The following ITPR3 variants were observed in gnomAD, a reference collection of about 807,000 sequenced individuals.
ITPR3 encodes inositol 1,4,5-trisphosphate receptor type 3.
Under a neutral mutation model 293.2 loss-of-function variants are expected in ITPR3, and 173 were observed. The ratio of observed to expected loss-of-function variants is 0.59; its 90% confidence interval spans 0.52 to 0.67. The LOEUF (loss-of-function observed/expected upper bound fraction) is 0.67, where lower values mean the gene tolerates loss of function less well. Ranked by LOEUF, ITPR3 falls within the 30% of genes least tolerant of loss-of-function variation. ITPR3 has a pLI of 0.00. For missense variants in ITPR3, 2,796 were observed against 3,592.1 expected (o/e 0.78, Z 5.66); for synonymous variants, 1,295 against 1,444.4 (o/e 0.90, Z 2.35).
chr6:33,646,372 C>A (rs1321827111), intron 2 of ITPR3, among the ~76,000 whole-genome samples: 4 of 107,530 alleles, frequency 3.7e-5, no homozygotes, highest in Non-Finnish European at 7.1e-5. Flanking sequence ...TCCCACCCCC[C>A]ACCCCCTCCA....
chr6:33,685,063 G>A, intron 39 of ITPR3, 120 bp downstream of exon 39: 2 of 1,180,420 alleles, frequency 1.7e-6, no homozygotes, highest in African/African-American at 1.5e-5. Flanking sequence ...GGCCTGAGCA[G>A]TGGCTGAGAG....
chr6:33,668,660 C>G (rs1212179849), intron 17 of ITPR3, 26 bp downstream of exon 17: 1 of 1,613,866 alleles, frequency 6.2e-7, no homozygotes, highest in African/African-American at 1.3e-5. Flanking sequence ...CCTGCCCGCA[C>G]TTGGGCTCCA....
Position 33,621,551 on chromosome 6 carries a change from G to A in ITPR3, c.-52G>A. ...GCCTCAGTCCTCCGCACTGAGCTTGGCCACGCGCCCCTAGGCGCCCCCCAC... is the reference window on the plus strand; with the variant it reads ...GCCTCAGTCCTCCGCACTGAGCTTGACCACGCGCCCCTAGGCGCCCCCCAC... On this transcript the variant is annotated 5_prime_UTR_variant, in exon 1 of 58. Transcript: ENST00000605930. The surrounding 1 kb of genome is among the most constrained non-coding windows in gnomAD (Gnocchi z 7.7). 7.1e-7 allele frequency: 1 copy of A among 1,411,800 alleles called. No homozygotes were observed. The highest frequency in any genetic ancestry group is 9.8e-7 in the Non-Finnish European group (1 of 1,018,504). 87.5% of individuals were successfully genotyped at this position (1,411,800 alleles called of 1,614,324 possible). A position where few individuals can be genotyped will look rare whatever the true frequency, so the allele number is the denominator to read the frequency against.
intron 48 of ITPR3, 53 bp from the exon 49 acceptor site, chr6:33,688,603 C>T: frequency 1.2e-6 from 2 of 1,608,380 alleles, no homozygotes; most frequent in Non-Finnish European, 1.7e-6. Flanking sequence ...ATGCAAGGGG[C>T]AGGGGGTGCT....
Position 33,667,439 on chromosome 6 carries a change from G to GCCTT in ITPR3, c.1713+149_1713+150insCCTT. ...CAGCAGGGCCGGGTTCATGGGAATG[G>GCCTT]GACCTGGCCCGGTGCTCACAAGGGC... On this transcript the variant is annotated intron_variant, in intron 15 of 57. Transcript: ENST00000605930. The surrounding 1 kb of genome is among the most constrained non-coding windows in gnomAD (Gnocchi z 4.4). The GCCTT allele has an allele frequency of 4.6e-6, 5 of 1,079,778 alleles. No individual in the cohort carries two copies. Among genetic ancestry groups the GCCTT allele is most frequent in the Non-Finnish European group, 6.5e-6 (5 of 771,748 alleles). The allele number at this position is 1,079,778 out of a possible 1,614,324, so 66.9% of individuals were successfully genotyped here. A position where few individuals can be genotyped will look rare whatever the true frequency, so the allele number is the denominator to read the frequency against.
Position 33,683,621 on chromosome 6 carries a change from C to A in ITPR3, c.4788+224C>A, listed in dbSNP as rs1242337514. ...AGAGGAAGCCTGGAGAACCCAGAGG[C>A]CTGCTAGTGGGGTTGGAGCTCATGA... On this transcript the variant is annotated intron_variant, in intron 35 of 57. Transcript: ENST00000605930. This position sits in a 1 kb window ranked among gnomAD's most constrained non-coding sequence, Gnocchi z 4.5. 1.3e-5 allele frequency among the ~76,000 whole-genome samples: 2 copies of A among 152,150 alleles called. No individual in the cohort carries two copies. Among genetic ancestry groups the A allele is most frequent in the Non-Finnish European group, 2.9e-5 (2 of 68,018 alleles).
Position 33,690,051 on chromosome 6 carries a change from G to C in ITPR3, c.6885G>C (p.Val2295=). 1 of 1,614,222 alleles carries C rather than the reference G, an allele frequency of 6.2e-7. No individual in the cohort carries two copies. The highest frequency in any genetic ancestry group is 8.5e-7 in the Non-Finnish European group (1 of 1,180,050). ...GCCCCCAGCTGACCAACAAGATCGT[G>C]TTTGTGGTGAGCTTCGTGGGCAACC... The part of the protein sequence containing the change: ...LGALNLTNKI[V]FVVSFVGNRG... The change falls in exon 51 of 58, where the codon GTG becomes GTC. Residue 2295 remains valine (V), a synonymous_variant. Coordinates refer to ENST00000605930, the MANE Select transcript of ITPR3 (RefSeq NM_002224.4).
intron 7 of ITPR3, among the ~76,000 whole-genome samples, chr6:33,660,968 A>G (rs1043870266): frequency 6.7e-5 from 10 of 150,322 alleles, no homozygotes; most frequent in African/African-American, 2.0e-4. Context: ...ACAAATAAAT[A>G]AAATGAAGCA....
rs1296738920 is a variant in ITPR3, at chr6:33,683,182, C to T, written c.4598-25C>T. On this transcript the variant is annotated intron_variant, in intron 34 of 57. Coordinates refer to ENST00000605930, the MANE Select transcript of ITPR3 (RefSeq NM_002224.4). This position sits in a 1 kb window ranked among gnomAD's most constrained non-coding sequence, Gnocchi z 4.5. ...CTGAACTGCCCCCGCACCAGCACTC[C>T]AGCACTCCCTCCCTTCCCACCCAGC... 6 of 1,484,868 alleles carry T rather than the reference C, an allele frequency of 4.0e-6. No individual in the cohort carries two copies. Among genetic ancestry groups the T allele is most frequent in the African/African-American group, 1.4e-5 (1 of 71,710 alleles). 92.0% of individuals were successfully genotyped at this position (1,484,868 alleles called of 1,614,324 possible). A position where few individuals can be genotyped will look rare whatever the true frequency, so the allele number is the denominator to read the frequency against.
At chr6:33,646,134 C>A (rs1364496121) in intron 2 of ITPR3, among the ~76,000 whole-genome samples, 3 of 152,136 alleles carry the variant, frequency 2.0e-5, no homozygotes, top group Admixed American at 2.0e-4. Flanking sequence ...CCACACCTGG[C>A]CGAAAATGTA....
Position 33,692,997 on chromosome 6 carries a change from C to A in ITPR3, c.7624+104C>A. ...CCCTTCCTGCCCTGGGGAACCCTGGCCCGGAGCTGATGACTTGATGCATTT... is the reference window on the plus strand; with the variant it reads ...CCCTTCCTGCCCTGGGGAACCCTGGACCGGAGCTGATGACTTGATGCATTT... On this transcript the variant is annotated intron_variant, in intron 55 of 57. Transcript: ENST00000605930. The surrounding 1 kb of genome is among the most constrained non-coding windows in gnomAD (Gnocchi z 4.2). The A allele has an allele frequency of 8.4e-7, 1 of 1,185,620 alleles. No homozygotes were observed. The highest frequency in any genetic ancestry group is 1.2e-6 in the Non-Finnish European group (1 of 835,668). 73.4% of individuals were successfully genotyped at this position (1,185,620 alleles called of 1,614,324 possible). A position where few individuals can be genotyped will look rare whatever the true frequency, so the allele number is the denominator to read the frequency against.
In ITPR3 at chr6:33,675,634, C is replaced by T. The variant is rs1424230275; in HGVS notation, c.3117-57C>T. ...TTGTGCCAGGGCCCCTTACCCACCA[C>T]GGACAGCAGGGAGTGTGCCAGTCTC... On this transcript the variant is annotated intron_variant, in intron 24 of 57. Coordinates refer to ENST00000605930, the MANE Select transcript of ITPR3 (RefSeq NM_002224.4). The surrounding 1 kb of genome is among the most constrained non-coding windows in gnomAD (Gnocchi z 5.0). 7.9e-6 allele frequency: 12 copies of T among 1,519,286 alleles called. No individual in the cohort carries two copies. In the East Asian group the frequency reaches 1.4e-4, roughly 18 times the overall value. The allele number at this position is 1,519,286 out of a possible 1,614,324, so 94.1% of individuals were successfully genotyped here.
chr6:33,693,463 G>A (rs1017638068), intron 55 of ITPR3, 82 bp from the exon 56 acceptor site: 24 of 1,488,624 alleles, frequency 1.6e-5, no homozygotes, highest in African/African-American at 4.1e-5. Flanking sequence ...TCCAACCCCC[G>A]GAAGCTGGGT....
chr6:33,694,814 T>C, intron 56 of ITPR3, 110 bp from the exon 57 acceptor site: 1 of 1,341,954 alleles, frequency 7.5e-7, no homozygotes, highest in South Asian at 1.2e-5. Flanking sequence ...CCCTGACGAG[T>C]AGTTTTGTTA....
intron 57 of ITPR3, 153 bp downstream of exon 57, chr6:33,695,238 T>G: frequency 1.2e-6 from 1 of 806,972 alleles, no homozygotes; most frequent in Non-Finnish European, 1.9e-6. Context: ...CTCCCCTGCA[T>G]GGCAAGTCAG....
intron 18 of ITPR3, 121 bp downstream of exon 18, chr6:33,669,277 A>C (rs537795251): frequency 1.0e-6 from 1 of 989,956 alleles, no homozygotes; most frequent in East Asian, 2.6e-5. Flanking sequence ...CTGCCTCCTC[A>C]GAAGCGGAGT....
At position 33,661,992 on chromosome 6, in the gene ITPR3, G is replaced by GAAAAAAAAAAA. The variant is rs55958712; in HGVS notation, c.712-521_712-511dup. Among the ~76,000 whole-genome samples, 17 of 47,188 alleles carry GAAAAAAAAAAA rather than the reference G, an allele frequency of 3.6e-4. 1 individual carries two copies. Among genetic ancestry groups the GAAAAAAAAAAA allele is most frequent in the East Asian group, 3.0e-3 (3 of 1,012 alleles). 31.0% of individuals were successfully genotyped at this position (47,188 alleles called of 152,430 possible). On this transcript the variant is annotated intron_variant, in intron 7 of 57. Transcript: ENST00000605930. Reference sequence around the variant, plus strand: ...CCTGGGCAACAGAGTGACTGTCTCTGAAAAAAAAAAAAAAAAAAAAAAAAA... The same window carrying GAAAAAAAAAAA: ...CCTGGGCAACAGAGTGACTGTCTCTGAAAAAAAAAAAAAAAAAAAAAAAAAAAAAAAAAAAA...
chr6:33,687,910 T>TTGGGC lies in ITPR3; in HGVS notation c.6265-140_6265-136dup, dbSNP rs1419176603. ...CCAGGTTCTCAAGGCTCAGTCCTAG[T>TTGGGC]TGGGCTGGGCTTGGCCTGCTCTGGC... On this transcript the variant is annotated intron_variant, in intron 46 of 57. Transcript: ENST00000605930. The surrounding 1 kb of genome is among the most constrained non-coding windows in gnomAD (Gnocchi z 5.3). 1 of 658,328 alleles carries TTGGGC rather than the reference T, an allele frequency of 1.5e-6. No individual in the cohort carries two copies. The highest frequency in any genetic ancestry group is 2.6e-6 in the Non-Finnish European group (1 of 381,124). The allele number at this position is 658,328 out of a possible 1,614,324, so 40.8% of individuals were successfully genotyped here.
At chr6:33,653,764 T>C (rs925410136) in intron 2 of ITPR3, among the ~76,000 whole-genome samples, 1 of 152,192 alleles carries the variant, frequency 6.6e-6, no homozygotes, top group Non-Finnish European at 1.5e-5. Flanking sequence ...CTGTGACAAT[T>C]GGTGGTACAA....
Sources: allele counts gnomAD v4.1 joint callset (sites outside exome capture counted in the v4.1 genomes callset), GRCh38; gene constraint gnomAD v4.1.1; non-coding constraint Gnocchi (gnomAD v3.1); transcripts MANE v1.5; gene names NCBI Gene and HGNC (gene_info 2026-07-23, HGNC 2026-07-21).